The following ANO3 variants were observed in gnomAD, a reference collection of about 807,000 sequenced individuals.
ANO3 encodes anoctamin 3.
Under a neutral mutation model 144.8 loss-of-function variants are expected in ANO3, and 99 were observed. That is an observed-to-expected ratio of 0.68 (90% CI 0.58 to 0.81). The LOEUF is 0.81. ANO3 is among the 30% of genes least tolerant of loss of function. The pLI, the probability that ANO3 is intolerant of heterozygous loss-of-function variation, is 0.00. For missense variants in ANO3, 905 were observed against 1,202.2 expected (o/e 0.75, Z 3.66); for synonymous variants, 414 against 392.6 (o/e 1.05, Z -0.64).
intron 14 of ANO3, among the ~76,000 whole-genome samples, chr11:26,566,477 A>G (rs1367390142): frequency 6.6e-6 from 1 of 151,994 alleles, no homozygotes; most frequent in Non-Finnish European, 1.5e-5. Context: ...AATTAATACT[A>G]GTCATGAAAT....
chr11:26,435,495 C>A (rs1457754106), intron 1 of ANO3, among the ~76,000 whole-genome samples: 1 of 151,968 alleles, frequency 6.6e-6, no homozygotes, highest in Non-Finnish European at 1.5e-5. Context: ...TGGACAATAC[C>A]CTGAAATATG....
chr11:26,614,851 C>T (rs1030253720), intron 17 of ANO3, among the ~76,000 whole-genome samples: 1 of 152,138 alleles, frequency 6.6e-6, no homozygotes, highest in African/African-American at 2.4e-5. Context: ...TTTTACCATT[C>T]CCCTGGTGCT....
At position 26,359,184 on chromosome 11, in the gene ANO3, C is replaced by T. The variant is rs572063209; in HGVS notation, c.46+26863C>T. Among the ~76,000 whole-genome samples the T allele has an allele frequency of 4.0e-4, 61 of 152,278 alleles. 1 individual carries two copies. In the South Asian group the frequency reaches 0.012, roughly 29 times the overall value. On this transcript the variant is annotated intron_variant, in intron 1 of 26. Coordinates refer to ENST00000256737, the MANE Select transcript of ANO3 (RefSeq NM_031418.4). ...GAAATTTTTATATTGCTATGAATAT[C>T]CTCAAGCACTGTTCTAGAAGGCAGT...
At chr11:26,461,860 G>C (rs1405964307) in intron 3 of ANO3, among the ~76,000 whole-genome samples, 1 of 151,904 alleles carries the variant, frequency 6.6e-6, no homozygotes, top group East Asian at 1.9e-4. Flanking sequence ...AAATAATACA[G>C]GTAAAGTTTC....
intron 1 of ANO3, among the ~76,000 whole-genome samples, chr11:26,253,428 G>T (rs1381327598): frequency 6.6e-6 from 1 of 151,848 alleles, no homozygotes; most frequent in Non-Finnish European, 1.5e-5. Flanking sequence ...AGGAGGGAGA[G>T]GATCAGGAAA....
At chr11:26,497,882 A>T (rs954151464) in intron 4 of ANO3, among the ~76,000 whole-genome samples, 1 of 152,012 alleles carries the variant, frequency 6.6e-6, no homozygotes, top group African/African-American at 2.4e-5. Context: ...ATCAAATTTT[A>T]TTCTCATTAT....
chr11:26,359,905 TTTTA>T (rs1471351594), intron 1 of ANO3, among the ~76,000 whole-genome samples: 2 of 105,118 alleles, frequency 1.9e-5, no homozygotes, highest in Non-Finnish European at 3.9e-5. Context: ...GTGTGTAAAT[TTTTA>T]TTTATATATA....
At chr11:26,213,964 T>C (rs1018945966) in intron 1 of ANO3, among the ~76,000 whole-genome samples, 82 of 152,024 alleles carry the variant, frequency 5.4e-4, no homozygotes, top group African/African-American at 1.9e-3. Flanking sequence ...TAAGTATTTA[T>C]TGATGTGATT....
chr11:26,202,160 C>T (rs113060478), intron 1 of ANO3, among the ~76,000 whole-genome samples: 3,451 of 149,148 alleles, frequency 0.023, 159 homozygotes, highest in African/African-American at 0.081. Flanking sequence ...ATATTTTATA[C>T]AAAATTTCTA....
chr11:26,193,887 G>A (rs1180373716), intron 1 of ANO3, among the ~76,000 whole-genome samples: 3 of 152,108 alleles, frequency 2.0e-5, no homozygotes, highest in African/African-American at 7.2e-5. Flanking sequence ...CTTTGCAGCA[G>A]ATAATTACCT....
At chr11:26,471,666 G>A (rs1006252283) in intron 4 of ANO3, among the ~76,000 whole-genome samples, 1 of 151,014 alleles carries the variant, frequency 6.6e-6, no homozygotes, top group Non-Finnish European at 1.5e-5. Context: ...ATAGCAGAGG[G>A]CTAGGAAGTC....
intron 1 of ANO3, among the ~76,000 whole-genome samples, chr11:26,216,232 T>C (rs1590198257): frequency 6.6e-6 from 1 of 152,032 alleles, no homozygotes. Flanking sequence ...TTTTCACAAA[T>C]GCATAATAGC....
intron 17 of ANO3, among the ~76,000 whole-genome samples, chr11:26,610,290 T>C (rs959612844): frequency 1.0e-4 from 15 of 148,864 alleles, no homozygotes; most frequent in Admixed American, 2.0e-4. Context: ...ATTTCTCTGA[T>C]GACTAGGGAT....
intron 14 of ANO3, among the ~76,000 whole-genome samples, chr11:26,593,919 C>G (rs1285741726): frequency 6.6e-6 from 1 of 152,076 alleles, no homozygotes. Context: ...ACCAAGGTTA[C>G]CAAGTTAAAT....
At chr11:26,618,489 C>G (rs1338995341) in intron 17 of ANO3, among the ~76,000 whole-genome samples, 1 of 152,158 alleles carries the variant, frequency 6.6e-6, no homozygotes, top group African/African-American at 2.4e-5. Context: ...TAAACTCTTC[C>G]TATATCCCTT....
In ANO3 at chr11:26,653,727, C is replaced by T. The variant is rs145818643; in HGVS notation, c.2577-2398C>T. Reference sequence around the variant, plus strand: ...TTGAAACTGTCCATCCCCAGATACCCTCACGGCTGCCTCTTTCAACTCCTA... The same window carrying T: ...TTGAAACTGTCCATCCCCAGATACCTTCACGGCTGCCTCTTTCAACTCCTA... On this transcript the variant is annotated intron_variant, in intron 24 of 26. Transcript: ENST00000256737. Among the ~76,000 whole-genome samples the T allele has an allele frequency of 7.9e-5, 12 of 152,084 alleles. No homozygotes were observed. In the East Asian group the frequency reaches 2.3e-3, roughly 30 times the overall value.
intron 1 of ANO3, among the ~76,000 whole-genome samples, chr11:26,394,244 CAGG>C (rs1249738642): frequency 2.0e-5 from 3 of 151,636 alleles, no homozygotes; most frequent in Non-Finnish European, 4.4e-5. Flanking sequence ...GACATACTCA[CAGG>C]AGATGATTTG....
intron 20 of ANO3, 44 bp from the exon 21 acceptor site, chr11:26,639,100 G>A (rs773936356): frequency 1.5e-6 from 2 of 1,359,296 alleles, no homozygotes; most frequent in African/African-American, 1.4e-5. Flanking sequence ...TGAGCCTACT[G>A]GGAAGAAGAC....
At chr11:26,551,005 T>C (rs1364808227) in intron 12 of ANO3, among the ~76,000 whole-genome samples, 1 of 152,012 alleles carries the variant, frequency 6.6e-6, no homozygotes, top group Non-Finnish European at 1.5e-5. Flanking sequence ...TGCATTTCTC[T>C]GATGATTATG....
Sources: gnomAD v4.1 joint callset for allele counts (sites outside exome capture counted in the v4.1 genomes callset) on GRCh38, gnomAD v4.1.1 for gene constraint, MANE v1.5 for transcripts, NCBI Gene and HGNC (gene_info 2026-07-23, HGNC 2026-07-21) for gene names.